Variants in DAPK1 observed in about 807,000 individuals in gnomAD.
DAPK1 encodes the protein death associated protein kinase 1.
A neutral mutation model predicts 144.9 loss-of-function variants in DAPK1; 56 were observed. The observed-to-expected ratio is 0.39, with a 90% CI of 0.31 to 0.48. The LOEUF (loss-of-function observed/expected upper bound fraction) is 0.48, where lower values mean the gene tolerates loss of function less well. DAPK1 is among the 20% of genes least tolerant of loss of function. The pLI is 0.95. For synonymous variants in DAPK1, 690 were observed against 749.0 expected (o/e 0.92, Z 1.29); for missense variants, 1,454 against 1,875.4 (o/e 0.78, Z 4.15).
intron 2 of DAPK1, among the ~76,000 whole-genome samples, chr9:87,512,545 A>T (rs1824886595): frequency 6.6e-6 from 1 of 152,228 alleles, no homozygotes; most frequent in Admixed American, 6.5e-5. Flanking sequence ...AGGCCCTGCC[A>T]GCTGCTGCGG....
intron 1 of DAPK1, chr9:87,498,615 T>C (rs904235481): frequency 6.6e-6 from 2 of 302,748 alleles, no homozygotes; most frequent in East Asian, 1.1e-4. Context: ...GAGGGCTTCA[T>C]TCTTCCGCGG....
chr9:87,637,989 T>G lies in DAPK1; in HGVS notation c.331T>G (p.Leu111Val), dbSNP rs1722746777. The stretch of plus-strand genomic sequence containing the variant: ...TGACTTCTTAGCTGAAAAGGAATCT[T>G]TAACTGAAGAGGAAGCAACTGAATT... ...LFDFLAEKES[L>V]TEEEATEFLK... Residue 111 changes from leucine to valine, a missense_variant, in exon 4 of 26, where the codon TTA becomes GTA. Leu to Val is a conservative substitution (Grantham distance 32). Coordinates refer to ENST00000408954, the MANE Select transcript of DAPK1 (RefSeq NM_004938.4). 6.2e-7 allele frequency: 1 copy of G among 1,614,046 alleles called. No homozygotes were observed. The highest frequency in any genetic ancestry group is 1.7e-5 in the Admixed American group (1 of 60,012).
chr9:87,522,472 G>C (rs1281080583), intron 2 of DAPK1, among the ~76,000 whole-genome samples: 1 of 152,076 alleles, frequency 6.6e-6, no homozygotes, highest in Non-Finnish European at 1.5e-5. Context: ...AGCATAACTT[G>C]AAAATCATTC....
At chr9:87,669,998 A>T (rs1831202345) in intron 19 of DAPK1, among the ~76,000 whole-genome samples, 1 of 152,156 alleles carries the variant, frequency 6.6e-6, no homozygotes, top group African/African-American at 2.4e-5. Context: ...TGTCCTGGAA[A>T]GTCCAGAAAG....
chr9:87,602,273 A>T (rs1828551151), intron 2 of DAPK1, among the ~76,000 whole-genome samples: 1 of 152,174 alleles, frequency 6.6e-6, no homozygotes, highest in Admixed American at 6.5e-5. Context: ...CAGCATCCAC[A>T]CAGAGCCTTC....
intron 2 of DAPK1, among the ~76,000 whole-genome samples, chr9:87,527,921 C>T (rs879903974): frequency 2.6e-5 from 4 of 152,206 alleles, no homozygotes; most frequent in Admixed American, 6.5e-5. Context: ...ACCAAAATGC[C>T]GAAGTCATTA....
intron 3 of DAPK1, chr9:87,632,686 A>G (rs990764160): frequency 3.1e-6 from 3 of 982,358 alleles, no homozygotes; most frequent in Non-Finnish European, 3.6e-6. Flanking sequence ...ATGAGTACCT[A>G]TATACAAATG....
chr9:87,629,488 A>G (rs1263801849), intron 3 of DAPK1, among the ~76,000 whole-genome samples: 1 of 152,162 alleles, frequency 6.6e-6, no homozygotes, highest in Non-Finnish European at 1.5e-5. Flanking sequence ...CGGCAACCTA[A>G]TACACTACCT....
intron 3 of DAPK1, among the ~76,000 whole-genome samples, chr9:87,633,803 A>T (rs1464484063): frequency 6.6e-6 from 1 of 152,238 alleles, no homozygotes; most frequent in Non-Finnish European, 1.5e-5. Flanking sequence ...TTCTATGGCT[A>T]TGTAAAAAAC....
intron 2 of DAPK1, among the ~76,000 whole-genome samples, chr9:87,570,144 T>C (rs1343742813): frequency 6.6e-6 from 1 of 152,332 alleles, no homozygotes; most frequent in African/African-American, 2.4e-5. Flanking sequence ...TTTATGTTAG[T>C]TGCAGTCCAG....
chr9:87,680,914 C>T (rs1341484791), intron 19 of DAPK1, among the ~76,000 whole-genome samples: 5 of 152,154 alleles, frequency 3.3e-5, no homozygotes, highest in Non-Finnish European at 7.3e-5. Flanking sequence ...CTCTGAATTT[C>T]ACAGTTGAAA....
In DAPK1 at chr9:87,674,546, T is replaced by C. The variant is rs572628136; in HGVS notation, c.2001+5872T>C. Among the ~76,000 whole-genome samples, 16 of 149,890 alleles carry C rather than the reference T, an allele frequency of 1.1e-4. No individual in the cohort carries two copies. In the South Asian group the frequency reaches 3.2e-3, roughly 30 times the overall value. On this transcript the variant is annotated intron_variant, in intron 19 of 25. Transcript: ENST00000408954. ...AAAAAAAAAAAAAAAAAAAGTAGTT[T>C]GCTTTTACTAAACCTAAGACCCAAC...
intron 2 of DAPK1, among the ~76,000 whole-genome samples, chr9:87,534,605 T>C (rs962017137): frequency 1.2e-4 from 19 of 152,012 alleles, no homozygotes; most frequent in African/African-American, 4.6e-4. Flanking sequence ...TCCTGTTAGA[T>C]ACCCTTATTT....
At chr9:87,644,238 A>C (rs1017292297) in intron 11 of DAPK1, among the ~76,000 whole-genome samples, 7 of 152,166 alleles carry the variant, frequency 4.6e-5, no homozygotes, top group Non-Finnish European at 8.8e-5. Flanking sequence ...ACTGAAACCT[A>C]ATCACAGATA....
chr9:87,656,210 C>T (rs10868643), intron 17 of DAPK1, among the ~76,000 whole-genome samples: 19,174 of 152,100 alleles, frequency 0.13, 1,499 homozygotes, highest in South Asian at 0.25. Context: ...CGTGGGCTGT[C>T]GCTGACACAC....
chr9:87,630,302 C>T (rs972869232), intron 3 of DAPK1, among the ~76,000 whole-genome samples: 3 of 152,208 alleles, frequency 2.0e-5, no homozygotes, highest in Non-Finnish European at 4.4e-5. Flanking sequence ...TACATTATTA[C>T]TTGTGATTAA....
At position 87,650,033 on chromosome 9, in the gene DAPK1, C is replaced by G; in HGVS notation, c.1541C>G (p.Pro514Arg). 6.2e-7 allele frequency: 1 copy of G among 1,614,142 alleles called. No individual in the cohort carries two copies. The highest frequency in any genetic ancestry group is 8.5e-7 in the Non-Finnish European group (1 of 1,180,038). ...VNIKNREGET[P>R]LLTASARGYH... ...ATCAAGAACCGAGAAGGAGAGACGC[C>G]CCTCCTGACAGCCTCTGCCAGGGGC... The change falls in exon 16 of 26, where the codon CCC becomes CGC. Residue 514 changes from proline to arginine, a missense_variant. By Grantham distance (103) the Pro-to-Arg change is moderately radical. Transcript: ENST00000408954.
intron 2 of DAPK1, among the ~76,000 whole-genome samples, chr9:87,538,432 T>C (rs1260371833): frequency 6.6e-6 from 1 of 151,194 alleles, no homozygotes; most frequent in African/African-American, 2.4e-5. Context: ...TGGTTTATTT[T>C]GCAGATCTGT....
chr9:87,637,432 C>T (rs1587796278), intron 3 of DAPK1, among the ~76,000 whole-genome samples: 1 of 152,080 alleles, frequency 6.6e-6, no homozygotes, highest in South Asian at 2.1e-4. Context: ...TATTTACATA[C>T]AAACCAATAC....
Sources: gnomAD v4.1 joint callset for allele counts (sites outside exome capture counted in the v4.1 genomes callset) on GRCh38, gnomAD v4.1.1 for gene constraint, MANE v1.5 for transcripts, NCBI Gene and HGNC (gene_info 2026-07-23, HGNC 2026-07-21) for gene names.